VEPH1: variants seen among roughly 807,000 people sequenced by gnomAD.
VEPH1 encodes the protein ventricular zone expressed PH domain containing 1, also known as ventricular zone-expressed PH domain-containing protein homolog 1.
Under a neutral mutation model 85.2 loss-of-function variants are expected in VEPH1, and 80 were observed. The observed-to-expected ratio is 0.94, with a 90% confidence interval of 0.78 to 1.13. The LOEUF is 1.13. Ranked by LOEUF, VEPH1 falls within the 50% of genes most tolerant of loss-of-function variation. VEPH1 has a pLI of 0.00. For synonymous variants in VEPH1, 297 were observed against 348.0 expected (o/e 0.85, Z 1.63); for missense variants, 955 against 980.5 (o/e 0.97, Z 0.35).
rs571021644 is a variant in VEPH1, at chr3:157,264,770, AGT to A, written c.2265+754_2265+755del. Among the ~76,000 whole-genome samples, 1,042 of 152,272 alleles carry A rather than the reference AGT, an allele frequency of 6.8e-3. 9 individuals are homozygous for A. Among genetic ancestry groups the A allele is most frequent in the Non-Finnish European group, 7.2e-3 (487 of 68,024 alleles). ...GCATAGTAGGCACTGAAAAAATGCT[AGT>A]CATTATGATTATTTTCTAAAATAGC... On this transcript the variant is annotated intron_variant, in intron 13 of 13. Transcript: ENST00000362010.
At chr3:157,381,536 G>A in intron 6 of VEPH1, 160 bp from the exon 7 acceptor site, 1 of 647,934 alleles carries the variant, frequency 1.5e-6, no homozygotes, top group East Asian at 2.8e-5. Context: ...TGGGCAACAT[G>A]GTAACACCCC....
intron 11 of VEPH1, among the ~76,000 whole-genome samples, chr3:157,292,656 C>T (rs1004966202): frequency 2.6e-5 from 4 of 151,580 alleles, no homozygotes; most frequent in African/African-American, 9.7e-5. Flanking sequence ...CTCACCACTG[C>T]ACTGCAGTCT....
rs780925524 is a variant in VEPH1, at chr3:157,460,187, G to A, written c.523C>T (p.Leu175Phe). Residue 175 changes from leucine (L) to phenylalanine (F), a missense_variant, in exon 4 of 14, where the codon CTC (leucine) becomes TTC (phenylalanine). Leu to Phe is a conservative substitution (Grantham distance 22). Transcript: ENST00000362010. ...DHTEVIVKSI[L>F]QGNTMLLRVL... The stretch of plus-strand genomic sequence containing the variant: ...CTCAACTTTCGCACCATACCTTGGA[G>A]TATGCTCTTTACTATAACTTCCGTG... 3 of 1,614,072 alleles carry A rather than the reference G, an allele frequency of 1.9e-6. No homozygotes were observed. The African/African-American group carries it at 4.0e-5, about 22-fold the overall frequency.
intron 4 of VEPH1, among the ~76,000 whole-genome samples, chr3:157,446,780 C>T (rs904396220): frequency 5.9e-5 from 9 of 152,226 alleles, no homozygotes; most frequent in South Asian, 2.1e-4. Flanking sequence ...TATCGTTGAT[C>T]CTTGCATCAA....
At position 157,460,210 on chromosome 3, in the gene VEPH1, G is replaced by A. The variant is rs778727772; in HGVS notation, c.500C>T (p.Thr167Met). ...ITKADLLADH[T>M]EVIVKSILQG... ...GAGTATGCTCTTTACTATAACTTCC[G>A]TGTGATCAGCCAGGAGATCTGCCTT... Residue 167 changes from threonine to methionine, a missense_variant, in exon 4 of 14, where the codon ACG becomes ATG. Coordinates refer to ENST00000362010, the MANE Select transcript of VEPH1 (RefSeq NM_001167912.2). 1.2e-5 allele frequency: 20 copies of A among 1,613,942 alleles called. No individual in the cohort carries two copies. Among genetic ancestry groups the A allele is most frequent in the South Asian group, 2.2e-5 (2 of 91,074 alleles).
chr3:157,413,618 C>T (rs1175505477), intron 6 of VEPH1: 1 of 985,210 alleles, frequency 1.0e-6, no homozygotes, highest in African/African-American at 1.7e-5. Flanking sequence ...CTAAACCTTC[C>T]ACATAACCCT....
rs201766959 is a variant in VEPH1, at chr3:157,414,916, A to AT, written c.697-827dup. Among the ~76,000 whole-genome samples, 1,030 of 152,186 alleles carry AT rather than the reference A, an allele frequency of 6.8e-3. 4 individuals carry two copies. Among genetic ancestry groups the AT allele is most frequent in the Admixed American group, 0.011 (174 of 15,264 alleles). On this transcript the variant is annotated intron_variant, in intron 5 of 13. Coordinates refer to ENST00000362010, the MANE Select transcript of VEPH1 (RefSeq NM_001167912.2). ...GTTTTATTTACTTTATTGATTTGTC[A>AT]TTTTTTGAGTAGGGTAGACTTTAAA... is the stretch of plus-strand genomic sequence containing the variant.
intron 4 of VEPH1, among the ~76,000 whole-genome samples, chr3:157,449,966 T>C (rs1340180228): frequency 6.6e-6 from 1 of 151,366 alleles, no homozygotes; most frequent in South Asian, 2.1e-4. Context: ...AGAAAAAAAC[T>C]AGTTTCTCTA....
chr3:157,344,624 C>T (rs895891491), intron 9 of VEPH1, among the ~76,000 whole-genome samples: 1 of 152,136 alleles, frequency 6.6e-6, no homozygotes, highest in Admixed American at 6.5e-5. Flanking sequence ...AGATCCAGTG[C>T]CATCCCCATC....
chr3:157,414,778 G>A (rs1442948529), intron 5 of VEPH1, among the ~76,000 whole-genome samples: 1 of 152,126 alleles, frequency 6.6e-6, no homozygotes, highest in Non-Finnish European at 1.5e-5. Context: ...TTGATGAATT[G>A]TTTTGTTGGC....
Position 157,436,848 on chromosome 3 carries a change from T to C in VEPH1, c.530-8360A>G, listed in dbSNP as rs1226470717. Reference sequence around the variant, plus strand: ...ATTAAGGACTCTCTGCTCCAGCCTCTCACTCTCACTCTCCTCCGCTCAAAC... The same window carrying C: ...ATTAAGGACTCTCTGCTCCAGCCTCCCACTCTCACTCTCCTCCGCTCAAAC... On this transcript the variant is annotated intron_variant, in intron 4 of 13. Transcript: ENST00000362010. 1.9e-5 allele frequency: 26 copies of C among 1,403,240 alleles called. No individual in the cohort carries two copies. In the South Asian group the frequency reaches 2.5e-4, roughly 14 times the overall value. The allele number at this position is 1,403,240 out of a possible 1,614,324, so 86.9% of individuals were successfully genotyped here. A position where few individuals can be genotyped will look rare whatever the true frequency, so the allele number is the denominator to read the frequency against.
At chr3:157,429,288 T>G (rs1439563933) in intron 4 of VEPH1, among the ~76,000 whole-genome samples, 1 of 152,240 alleles carries the variant, frequency 6.6e-6, no homozygotes, top group East Asian at 1.9e-4. Context: ...AGAATTTTTT[T>G]GACTCTACTT....
chr3:157,293,106 A>C (rs754383235), intron 11 of VEPH1, among the ~76,000 whole-genome samples: 8 of 152,220 alleles, frequency 5.3e-5, no homozygotes, highest in Non-Finnish European at 1.0e-4. Flanking sequence ...AAATTGTGCA[A>C]TACGGCAAGA....
intron 7 of VEPH1, among the ~76,000 whole-genome samples, chr3:157,369,645 A>G (rs1727264108): frequency 6.6e-6 from 1 of 152,210 alleles, no homozygotes; most frequent in African/African-American, 2.4e-5. Flanking sequence ...ACAAATTTCA[A>G]TTCCAATAAA....
intron 12 of VEPH1, among the ~76,000 whole-genome samples, chr3:157,272,375 TTTTCTTTCTTTC>T (rs758495924): frequency 0.021 from 1,978 of 94,958 alleles, 31 homozygotes; most frequent in Non-Finnish European, 0.025. Flanking sequence ...TTTCTCTTTC[TTTTCTTTCTTTC>T]TTTCTTTCTT....
chr3:157,306,536 C>T (rs1559942533), intron 11 of VEPH1, among the ~76,000 whole-genome samples: 2 of 152,088 alleles, frequency 1.3e-5, no homozygotes, highest in Non-Finnish European at 2.9e-5. Context: ...TATACCACAA[C>T]GTTTTTTTTC....
At chr3:157,279,315 A>G (rs939319578) in intron 12 of VEPH1, among the ~76,000 whole-genome samples, 1 of 152,200 alleles carries the variant, frequency 6.6e-6, no homozygotes, top group Non-Finnish European at 1.5e-5. Flanking sequence ...GGTTTACGGA[A>G]TGGAATATTG....
chr3:157,274,710 G>A (rs1205246874), intron 12 of VEPH1, among the ~76,000 whole-genome samples: 7 of 152,068 alleles, frequency 4.6e-5, no homozygotes, highest in Admixed American at 6.5e-5. Context: ...ATGCTGCCCA[G>A]GCTGGACTTG....
At chr3:157,378,304 TGGTATATATA>T in intron 7 of VEPH1, among the ~76,000 whole-genome samples, 1 of 103,660 alleles carries the variant, frequency 9.6e-6, no homozygotes, top group African/African-American at 3.6e-5. Flanking sequence ...TATTTTTGAA[TGGTATATATA>T]TATATATATA....
Sources: gnomAD v4.1 joint callset for allele counts (sites outside exome capture counted in the v4.1 genomes callset) on GRCh38, gnomAD v4.1.1 for gene constraint, MANE v1.5 for transcripts, NCBI Gene and HGNC (gene_info 2026-07-23, HGNC 2026-07-21) for gene names.